CDK19: variants seen among roughly 807,000 people sequenced by gnomAD.
The protein encoded by CDK19 is cyclin dependent kinase 19, also known as cyclin-dependent kinase 19.
In CDK19, 20 loss-of-function variants were observed where a neutral mutation model predicts 68.3. The ratio of observed to expected loss-of-function variants is 0.29; its 90% CI spans 0.21 to 0.43. The LOEUF (loss-of-function observed/expected upper bound fraction) is 0.43. Ranked by LOEUF, CDK19 falls within the 20% of genes least tolerant of loss-of-function variation. CDK19 has a pLI of 1.00. For synonymous variants in CDK19, 221 were observed against 222.8 expected, an observed-to-expected ratio of 0.99 and a Z score of 0.07; for missense variants, 339 against 623.5, an observed-to-expected ratio of 0.54 and a Z score of 4.86.
At chr6:110,667,758 A>G (rs1029985514) in intron 3 of CDK19, among the ~76,000 whole-genome samples, 184 bp from the exon 4 acceptor site, 5 of 152,170 alleles carry the variant, frequency 3.3e-5, no homozygotes, top group Admixed American at 1.3e-4. Flanking sequence ...GGTGACTGTG[A>G]CCATGTTAAT....
Position 110,621,970 on chromosome 6 carries a change from A to C in CDK19, c.1110+118T>G. Reference sequence around the variant, plus strand: ...CTTCCACAGAAAATAAGATACATTCAAATTTAATTAAATATTAGAAAAGGT... The same window carrying C: ...CTTCCACAGAAAATAAGATACATTCCAATTTAATTAAATATTAGAAAAGGT... On this transcript the variant is annotated intron_variant, in intron 11 of 12. Coordinates refer to ENST00000368911, the MANE Select transcript of CDK19 (RefSeq NM_015076.5). The surrounding 1 kb of genome is among the most constrained non-coding windows in gnomAD (Gnocchi z 5.4). The C allele has an allele frequency of 1.8e-6, 1 of 557,266 alleles. No individual in the cohort carries two copies. Among genetic ancestry groups the C allele is most frequent in the South Asian group, 4.1e-5 (1 of 24,278 alleles). 34.5% of individuals were successfully genotyped at this position (557,266 alleles called of 1,614,324 possible).
At chr6:110,747,219 G>A (rs1412685699) in intron 1 of CDK19, among the ~76,000 whole-genome samples, 1 of 152,134 alleles carries the variant, frequency 6.6e-6, no homozygotes, top group Admixed American at 6.6e-5. Context: ...CCTGCAGATA[G>A]AGCAGTTTAG....
chr6:110,801,515 G>T (rs1310161953), intron 1 of CDK19, among the ~76,000 whole-genome samples: 11 of 151,830 alleles, frequency 7.2e-5, no homozygotes, highest in African/African-American at 1.2e-4. Context: ...AGGTTTTTTT[G>T]TGTGTTTTTT....
At chr6:110,787,211 T>A (rs1781283040) in intron 1 of CDK19, among the ~76,000 whole-genome samples, 1 of 151,998 alleles carries the variant, frequency 6.6e-6, no homozygotes, top group Non-Finnish European at 1.5e-5. Context: ...CTGTCTCTAC[T>A]AAAAATATAA....
chr6:110,674,795 G>A (rs545456690), intron 2 of CDK19, among the ~76,000 whole-genome samples: 6 of 151,908 alleles, frequency 3.9e-5, no homozygotes, highest in East Asian at 3.9e-4. Context: ...CTAGCTACTC[G>A]AGAGGCTGAG....
In CDK19 at chr6:110,610,000, C is replaced by T. The variant is rs1777937824; in HGVS notation, c.*4535G>A. ...AAGCAAAGTCAATTAAATTTTATTT[C>T]AACCAAGAATATAAAATAAATGCAA... On this transcript the variant is annotated 3_prime_UTR_variant, in exon 13 of 13. Transcript: ENST00000368911. 6.6e-6 allele frequency: 1 copy of T among 152,124 alleles called. No individual in the cohort carries two copies. Among genetic ancestry groups the T allele is most frequent in the African/African-American group, 2.4e-5 (1 of 41,416 alleles). 9.4% of individuals were successfully genotyped at this position (152,124 alleles called of 1,614,324 possible).
chr6:110,688,967 TG>T (rs1455732878), intron 2 of CDK19, among the ~76,000 whole-genome samples: 1 of 152,122 alleles, frequency 6.6e-6, no homozygotes, highest in Non-Finnish European at 1.5e-5. Context: ...GCCAGCAGAC[TG>T]GGAGGGGCAG....
chr6:110,757,620 A>C (rs918398648), intron 1 of CDK19, among the ~76,000 whole-genome samples: 1 of 152,210 alleles, frequency 6.6e-6, no homozygotes, highest in Non-Finnish European at 1.5e-5. Context: ...TAATGCAAGC[A>C]AATGTTCTTA....
intron 8 of CDK19, among the ~76,000 whole-genome samples, chr6:110,625,666 T>A (rs567381851): frequency 5.9e-5 from 9 of 152,264 alleles, no homozygotes; most frequent in East Asian, 1.9e-4. Context: ...TAATTGATGG[T>A]AAATTGTGGC....
At chr6:110,782,378 T>C (rs973001449) in intron 1 of CDK19, among the ~76,000 whole-genome samples, 5 of 152,114 alleles carry the variant, frequency 3.3e-5, no homozygotes, top group Admixed American at 3.3e-4. Context: ...CCTAAATAAA[T>C]CCCTTGAACT....
chr6:110,630,918 G>A (rs77847356), intron 6 of CDK19, among the ~76,000 whole-genome samples: 1,887 of 152,320 alleles, frequency 0.012, 35 homozygotes, highest in African/African-American at 0.043. Context: ...GAAATCAGAC[G>A]TCTTGATGAA....
At chr6:110,622,219 A>AT (rs1778763957) in intron 10 of CDK19, 53 bp from the exon 11 acceptor site, 1 of 1,159,392 alleles carries the variant, frequency 8.6e-7, no homozygotes, top group Admixed American at 2.0e-5. Context: ...CTGTAATATC[A>AT]TTACCTTGTT....
intron 4 of CDK19, among the ~76,000 whole-genome samples, chr6:110,654,370 T>C (rs1301810858): frequency 2.0e-5 from 3 of 152,230 alleles, no homozygotes; most frequent in Non-Finnish European, 4.4e-5. Flanking sequence ...CTATCATAAC[T>C]GCTTACCCCT....
intron 1 of CDK19, among the ~76,000 whole-genome samples, chr6:110,771,054 G>C (rs181347065): frequency 2.0e-5 from 3 of 152,298 alleles, no homozygotes; most frequent in Non-Finnish European, 4.4e-5. Context: ...CTGGTGTTGA[G>C]TGTCTGCAGC....
At chr6:110,664,291 G>A (rs1486559621) in intron 4 of CDK19, among the ~76,000 whole-genome samples, 1 of 152,146 alleles carries the variant, frequency 6.6e-6, no homozygotes, top group Non-Finnish European at 1.5e-5. Context: ...TCAAAGTCCA[G>A]CTCAAATGCA....
At chr6:110,812,337 T>C (rs1783169989) in intron 1 of CDK19, among the ~76,000 whole-genome samples, 1 of 152,062 alleles carries the variant, frequency 6.6e-6, no homozygotes, top group Admixed American at 6.6e-5. Context: ...TTCACCAGGA[T>C]GGTCTCGATC....
At chr6:110,781,360 T>A (rs2115032552) in intron 1 of CDK19, among the ~76,000 whole-genome samples, 1 of 152,172 alleles carries the variant, frequency 6.6e-6, no homozygotes, top group Non-Finnish European at 1.5e-5. Flanking sequence ...AATTCACTCA[T>A]TACCTAGGAC....
chr6:110,790,274 G>A (rs990427829), intron 1 of CDK19, among the ~76,000 whole-genome samples: 7 of 152,128 alleles, frequency 4.6e-5, no homozygotes, highest in African/African-American at 1.7e-4. Context: ...GGTGGCTCAC[G>A]CCTGTAATCC....
intron 12 of CDK19, among the ~76,000 whole-genome samples, chr6:110,616,682 C>A (rs936277983): frequency 2.1e-4 from 31 of 149,168 alleles, no homozygotes; most frequent in South Asian, 8.5e-4. Context: ...AAAAAAAAAA[C>A]AAAACAAAAC....
Sources: allele counts gnomAD v4.1 joint callset (sites outside exome capture counted in the v4.1 genomes callset), GRCh38; gene constraint gnomAD v4.1.1; non-coding constraint Gnocchi (gnomAD v3.1); transcripts MANE v1.5; gene names NCBI Gene and HGNC (gene_info 2026-07-23, HGNC 2026-07-21).